The following PCNX1 variants were observed in gnomAD, a reference collection of about 807,000 sequenced individuals.
PCNX1 encodes pecanex-like protein 1.
PCNX1 carries 78 observed loss-of-function variants against 242.2 expected under a neutral mutation model. The ratio of observed to expected loss-of-function variants is 0.32; its 90% CI spans 0.27 to 0.39. The LOEUF is 0.39. Among genes scored for constraint, PCNX1 ranks in the 10% least tolerant of loss-of-function variants. The pLI, the probability that PCNX1 is intolerant of heterozygous loss-of-function variation, is 1.00. For synonymous variants in PCNX1, 1,024 were observed against 1,032.9 expected (o/e 0.99, Z 0.17); for missense variants, 2,581 against 2,856.5 (o/e 0.90, Z 2.20).
At chr14:70,909,430 A>G (rs1027271613) in intron 1 of PCNX1, among the ~76,000 whole-genome samples, 6 of 152,206 alleles carry the variant, frequency 3.9e-5, no homozygotes, top group East Asian at 1.9e-4. Flanking sequence ...TTCCAGGAAT[A>G]TGACATCATT....
chr14:70,970,469 GATA>G (rs2058508633), intron 5 of PCNX1, among the ~76,000 whole-genome samples: 1 of 152,114 alleles, frequency 6.6e-6, no homozygotes, highest in South Asian at 2.1e-4. Context: ...TCAACAACTA[GATA>G]ATAATCTCAG....
chr14:71,062,142 T>A (rs936637971), intron 26 of PCNX1, among the ~76,000 whole-genome samples: 1 of 152,136 alleles, frequency 6.6e-6, no homozygotes, highest in African/African-American at 2.4e-5. Flanking sequence ...CAAACTATTG[T>A]GGACATAATT....
chr14:70,919,602 C>G (rs1275151702), intron 1 of PCNX1, among the ~76,000 whole-genome samples: 1 of 146,016 alleles, frequency 6.8e-6, no homozygotes, highest in Non-Finnish European at 1.5e-5. Context: ...TTGCTGTTGA[C>G]TTCTTTAGCA....
At chr14:70,986,446 CA>C (rs545420631) in intron 6 of PCNX1, among the ~76,000 whole-genome samples, 2 of 151,592 alleles carry the variant, frequency 1.3e-5, no homozygotes, top group African/African-American at 4.8e-5. Flanking sequence ...GTATTACTAG[CA>C]AAAAAAATTG....
chr14:70,968,214 C>G lies in PCNX1; in HGVS notation c.485C>G (p.Ser162Trp), dbSNP rs150578487. The change falls in exon 4 of 36, where the codon TCG (serine) becomes TGG (tryptophan). Residue 162 changes from serine (S) to tryptophan (W), a missense_variant. Ser to Trp is a radical substitution (Grantham distance 177). This residue lies in a region of PCNX1 where 1,204 missense variants were observed against 1,216.7 expected (regional missense o/e 0.99). Transcript: ENST00000304743. ...CGTTTTCAGATTGGATCTGGTTCCT[C>G]GCGTCTTGGAACAGCAGCAACTATT... ...DPSNQIGSGS[S>W]RLGTAATIKG... The G allele has an allele frequency of 9.9e-6, 16 of 1,612,622 alleles. No individual in the cohort carries two copies. Among genetic ancestry groups the G allele is most frequent in the Non-Finnish European group, 1.4e-5 (16 of 1,179,002 alleles).
In PCNX1 at chr14:70,977,092, A is replaced by C; in HGVS notation, c.755A>C (p.Asp252Ala). The stretch of plus-strand genomic sequence containing the variant: ...AGTCATAACCACCACCACCATGTTG[A>C]TCAGTCTCTGTCCAGCGCCTGTGAC... ...LPSHNHHHHV[D>A]QSLSSACDTE... The change falls in exon 6 of 36, where the codon GAT becomes GCT. Residue 252 changes from aspartate (D) to alanine (A), a missense_variant. Coordinates refer to ENST00000304743, the MANE Select transcript of PCNX1 (RefSeq NM_014982.3). 1 of 1,614,124 alleles carries C rather than the reference A, an allele frequency of 6.2e-7. No homozygotes were observed. The highest frequency in any genetic ancestry group is 8.5e-7 in the Non-Finnish European group (1 of 1,180,032).
At chr14:71,050,172 TTTA>T (rs940012719) in intron 22 of PCNX1, among the ~76,000 whole-genome samples, 8 of 152,010 alleles carry the variant, frequency 5.3e-5, no homozygotes, top group African/African-American at 1.7e-4. Context: ...TTTCTTTTTT[TTTA>T]TTTATTATTA....
chr14:71,072,942 A>G (rs2061620353), intron 26 of PCNX1, among the ~76,000 whole-genome samples: 2 of 152,244 alleles, frequency 1.3e-5, no homozygotes, highest in African/African-American at 2.4e-5. Flanking sequence ...TACAAACACA[A>G]TTGTAAACCC....
chr14:71,069,784 C>T (rs958643791), intron 26 of PCNX1, among the ~76,000 whole-genome samples: 11 of 152,096 alleles, frequency 7.2e-5, no homozygotes, highest in African/African-American at 1.7e-4. Context: ...GGTCTTGCCC[C>T]GATGTTGATG....
chr14:70,943,295 T>G (rs1050652416), intron 1 of PCNX1, among the ~76,000 whole-genome samples: 5 of 152,182 alleles, frequency 3.3e-5, no homozygotes, highest in Non-Finnish European at 5.9e-5. Context: ...GTTTGGAACT[T>G]CCTAGAGACT....
chr14:70,907,850 G>T lies in PCNX1; in HGVS notation c.-1G>T. On this transcript the variant is annotated 5_prime_UTR_variant, in exon 1 of 36. Transcript: ENST00000304743. The stretch of plus-strand genomic sequence containing the variant: ...GGCGACGGCGGCGGCGCCGGGTGGG[G>T]ATGGGGTCGCAGACGCTGCAGATCC... The T allele has an allele frequency of 7.4e-7, 1 of 1,353,664 alleles. No individual in the cohort carries two copies. The highest frequency in any genetic ancestry group is 9.5e-7 in the Non-Finnish European group (1 of 1,047,800). 83.9% of individuals were successfully genotyped at this position (1,353,664 alleles called of 1,614,324 possible).
intron 2 of PCNX1, among the ~76,000 whole-genome samples, chr14:70,959,445 G>A (rs2058122934): frequency 7.3e-6 from 1 of 136,944 alleles, no homozygotes; most frequent in African/African-American, 2.8e-5. Context: ...TGTTCTCATT[G>A]TTCAGTTCCC....
At chr14:71,033,320 T>C (rs2060442468) in intron 16 of PCNX1, 109 bp from the exon 17 acceptor site, 1 of 577,318 alleles carries the variant, frequency 1.7e-6, no homozygotes, top group Non-Finnish European at 3.0e-6. Context: ...GCTAAAAACT[T>C]TTGTTGAATT....
intron 8 of PCNX1, among the ~76,000 whole-genome samples, chr14:71,001,328 G>A (rs1269048241): frequency 1.3e-5 from 2 of 152,036 alleles, no homozygotes; most frequent in African/African-American, 4.8e-5. Flanking sequence ...CATTTTTGGG[G>A]CTTTGATATA....
intron 21 of PCNX1, 51 bp from the exon 22 acceptor site, chr14:71,047,756 T>C (rs2060904243): frequency 1.4e-6 from 2 of 1,416,276 alleles, no homozygotes; most frequent in Non-Finnish European, 1.9e-6. Flanking sequence ...AGTTACTGTC[T>C]CTTCTAATGT....
At chr14:71,009,971 G>T in intron 9 of PCNX1, 1 of 311,230 alleles carries the variant, frequency 3.2e-6, no homozygotes, top group Non-Finnish European at 5.9e-6. Flanking sequence ...TTGCGGTGAG[G>T]ACACTTAAAT....
chr14:70,990,659 A>G (rs1411327423), intron 7 of PCNX1, among the ~76,000 whole-genome samples: 2 of 152,162 alleles, frequency 1.3e-5, no homozygotes, highest in Non-Finnish European at 2.9e-5. Flanking sequence ...GATTAATTAA[A>G]CCAATATTTA....
At chr14:70,916,340 C>A (rs2056151394) in intron 1 of PCNX1, among the ~76,000 whole-genome samples, 1 of 152,024 alleles carries the variant, frequency 6.6e-6, no homozygotes, top group African/African-American at 2.4e-5. Flanking sequence ...AAGAAAATGG[C>A]CTTGGACAGA....
chr14:70,908,469 G>GGCCGCCC (rs1277839710), intron 1 of PCNX1, among the ~76,000 whole-genome samples: 1 of 152,130 alleles, frequency 6.6e-6, no homozygotes, highest in Non-Finnish European at 1.5e-5. Flanking sequence ...TCCCGGGAGA[G>GGCCGCCC]GCCGCCCGCC....
Sources: gnomAD v4.1 joint callset for allele counts (sites outside exome capture counted in the v4.1 genomes callset) on GRCh38, gnomAD v4.1.1 for gene constraint, gnomAD v4.1.1 regional missense constraint, MANE v1.5 for transcripts, NCBI Gene and HGNC (gene_info 2026-07-23, HGNC 2026-07-21) for gene names.